The following RDH13 variants were observed in gnomAD, a reference collection of about 807,000 sequenced individuals.
The protein encoded by RDH13 is retinol dehydrogenase 13.
Under a neutral mutation model 28.3 loss-of-function variants are expected in RDH13, and 35 were observed. That is an observed-to-expected ratio of 1.24 (90% CI 0.95 to 1.64). The LOEUF (loss-of-function observed/expected upper bound fraction) is 1.64. Among genes scored for constraint, RDH13 ranks in the 40% most tolerant of loss-of-function variants. The pLI, the probability that RDH13 is intolerant of heterozygous loss-of-function variation, is 0.00. For synonymous variants in RDH13, 229 were observed against 198.5 expected (o/e 1.15, Z -1.29); for missense variants, 514 against 446.3 (o/e 1.15, Z -1.37).
chr19:55,041,070 G>C (rs957412441), downstream of RDH13: 1 of 152,318 alleles, frequency 6.6e-6, no homozygotes, highest in Non-Finnish European at 1.5e-5. Context: ...AAGTTGCAGT[G>C]AGCCGAGATT....
intron 1 of RDH13, among the ~76,000 whole-genome samples, chr19:55,061,820 A>G (rs372087750): frequency 6.7e-6 from 1 of 149,780 alleles, no homozygotes; most frequent in Non-Finnish European, 1.5e-5. Context: ...CATGATAATC[A>G]TAAGATCCTT....
chr19:55,049,616 C>G (rs912960045), intron 3 of RDH13, among the ~76,000 whole-genome samples: 2 of 151,960 alleles, frequency 1.3e-5, no homozygotes, highest in South Asian at 2.1e-4. Flanking sequence ...ATGGAGAAAC[C>G]GCGTCTTTAC....
upstream of RDH13, chr19:55,063,258 A>G: frequency 2.5e-6 from 1 of 399,892 alleles, no homozygotes; most frequent in Non-Finnish European, 4.4e-6. Flanking sequence ...GAGCGCTGTC[A>G]CAGCTGGGAT....
upstream of RDH13, chr19:55,063,386 G>A (rs2075875245): frequency 3.4e-6 from 1 of 291,746 alleles, no homozygotes; most frequent in African/African-American, 2.2e-5. Context: ...AGTGAAATAG[G>A]TTCGAATCCC....
In RDH13 at chr19:55,060,100, C is replaced by T. The variant is rs956786130; in HGVS notation, c.66-825G>A. 3.3e-5 allele frequency among the ~76,000 whole-genome samples: 5 copies of T among 151,518 alleles called. No individual in the cohort carries two copies. The East Asian group carries it at 5.9e-4, about 18-fold the overall frequency. On this transcript the variant is annotated intron_variant, in intron 1 of 6. Transcript: ENST00000415061. ...CCTCGTGGGATGAGAAAGACCTGACCGTCCCCCAGCCCAACACCCGTAAAG... is the reference window on the plus strand; with the variant it reads ...CCTCGTGGGATGAGAAAGACCTGACTGTCCCCCAGCCCAACACCCGTAAAG...
chr19:55,046,747 C>T (rs888344805), intron 6 of RDH13: 3 of 152,284 alleles, frequency 2.0e-5, no homozygotes, highest in Non-Finnish European at 4.4e-5. Context: ...GAAACCCCAC[C>T]TCTAGCTGGG....
chr19:55,064,695 C>T (rs925304073), upstream of RDH13, among the ~76,000 whole-genome samples: 4 of 150,968 alleles, frequency 2.6e-5, no homozygotes, highest in East Asian at 2.0e-4. Context: ...TCACTGCAAC[C>T]TCTGCCTCCT....
chr19:55,053,654 T>A, intron 3 of RDH13: 1 of 131,878 alleles, frequency 7.6e-6, no homozygotes. Context: ...AGATACCGTC[T>A]CAGAAAAAAA....
At chr19:55,053,517 G>A (rs946046268) in intron 3 of RDH13, among the ~76,000 whole-genome samples, 11 of 152,080 alleles carry the variant, frequency 7.2e-5, no homozygotes, top group East Asian at 1.9e-4. Context: ...TTAGCCGGGC[G>A]TGGTGGCAGG....
chr19:55,057,921 G>C (rs2075691251), intron 2 of RDH13, among the ~76,000 whole-genome samples: 1 of 151,320 alleles, frequency 6.6e-6, no homozygotes, highest in Admixed American at 6.6e-5. Context: ...TGGGACTATA[G>C]GTACCACCTG....
intron 4 of RDH13, 38 bp from the exon 5 acceptor site, chr19:55,048,579 C>T: frequency 1.2e-6 from 2 of 1,611,958 alleles, no homozygotes; most frequent in Non-Finnish European, 1.7e-6. Context: ...TTTTGACTCA[C>T]ACCTAAAATC....
At chr19:55,050,812 C>A (rs767300687) in intron 3 of RDH13, 1 of 151,822 alleles carries the variant, frequency 6.6e-6, no homozygotes, top group Non-Finnish European at 1.5e-5. Flanking sequence ...CGGCGGGGAT[C>A]GTGAATTAGG....
chr19:55,062,855 C>T, intron 1 of RDH13, 113 bp downstream of exon 1: 1 of 943,350 alleles, frequency 1.1e-6, no homozygotes, highest in Non-Finnish European at 1.5e-6. Flanking sequence ...CACTGCGGGT[C>T]GGGAGCTACG....
chr19:55,069,443 CTA>C (rs933314744), exon 1 of RDH13: 10 of 152,246 alleles, frequency 6.6e-5, no homozygotes, highest in African/African-American at 2.4e-4. Flanking sequence ...GCTGGGAACT[CTA>C]GACACTCAGG....
Position 55,063,061 on chromosome 19 carries a change from A to AGGCGTAC in RDH13, c.-30_-29insGTACGCC. 1 of 1,307,704 alleles carries AGGCGTAC rather than the reference A, an allele frequency of 7.6e-7. No individual in the cohort carries two copies. The highest frequency in any genetic ancestry group is 9.9e-7 in the Non-Finnish European group (1 of 1,015,154). 81.0% of individuals were successfully genotyped at this position (1,307,704 alleles called of 1,614,324 possible). Reference sequence around the variant, plus strand: ...GGGCCGGGGACAGGCGTCAGGCGTCAGGGGTCGGCGCGGAGCTTGCTGCAC... The same window carrying AGGCGTAC: ...GGGCCGGGGACAGGCGTCAGGCGTCAGGCGTACGGGGTCGGCGCGGAGCTTGCTGCAC... On this transcript the variant is annotated 5_prime_UTR_variant, in exon 1 of 7. Transcript: ENST00000415061.
chr19:55,041,771 C>T (rs919797753), downstream of RDH13: 1 of 152,198 alleles, frequency 6.6e-6, no homozygotes, highest in Non-Finnish European at 1.5e-5. Context: ...CTGTGTTTAT[C>T]CCCCTGGTTC....
chr19:55,065,261 G>T (rs573581305), upstream of RDH13, among the ~76,000 whole-genome samples: 1 of 151,522 alleles, frequency 6.6e-6, no homozygotes, highest in Non-Finnish European at 1.5e-5. Flanking sequence ...GCACGCATCT[G>T]CACCCTCAGC....
At chr19:55,051,930 C>T (rs2075453432) in intron 3 of RDH13, among the ~76,000 whole-genome samples, 1 of 151,992 alleles carries the variant, frequency 6.6e-6, no homozygotes, top group African/African-American at 2.4e-5. Flanking sequence ...TGGGGTTTGG[C>T]TATGTTGCTT....
intron 1 of RDH13, among the ~76,000 whole-genome samples, chr19:55,059,744 T>G (rs1489143054): frequency 1.3e-5 from 2 of 152,108 alleles, no homozygotes; most frequent in Non-Finnish European, 2.9e-5. Context: ...AGGAAAGACA[T>G]AAGAGACTCC....
Sources: gnomAD v4.1 joint callset for allele counts (sites outside exome capture counted in the v4.1 genomes callset) on GRCh38, gnomAD v4.1.1 for gene constraint, MANE v1.5 for transcripts, NCBI Gene and HGNC (gene_info 2026-07-23, HGNC 2026-07-21) for gene names.